GRID2: variants seen among roughly 807,000 people sequenced by gnomAD.
GRID2 encodes the protein glutamate ionotropic receptor delta type subunit 2.
GRID2 carries 33 observed loss-of-function variants against 114.8 expected under a neutral mutation model. That is an observed-to-expected ratio of 0.29 (90% CI 0.22 to 0.38). GRID2 has a LOEUF of 0.38. Ranked by LOEUF, GRID2 falls within the 10% of genes least tolerant of loss-of-function variation. The pLI is 1.00. For missense variants in GRID2, 1,184 were observed against 1,257.7 expected (o/e 0.94, Z 0.89); for synonymous variants, 505 against 449.9 (o/e 1.12, Z -1.55).
chr4:92,863,002 C>T (rs1744635564), intron 2 of GRID2, among the ~76,000 whole-genome samples: 1 of 152,034 alleles, frequency 6.6e-6, no homozygotes, highest in African/African-American at 2.4e-5. Context: ...CTTCTCTCGG[C>T]ACTTACCCAT....
At chr4:92,595,273 G>T (rs962467593) in intron 2 of GRID2, among the ~76,000 whole-genome samples, 1 of 151,668 alleles carries the variant, frequency 6.6e-6, no homozygotes, top group African/African-American at 2.4e-5. Context: ...AAAAACACAA[G>T]GTTTTTGAAA....
At position 92,395,103 on chromosome 4, in the gene GRID2, C is replaced by A. The variant is rs144385110; in HGVS notation, c.88+90359C>A. On this transcript the variant is annotated intron_variant, in intron 1 of 15. Transcript: ENST00000282020. ...ACAATGAACAACACATAAATATTTT[C>A]TTTAAAATATTTTGTGTAGAATATA... 2.9e-3 allele frequency among the ~76,000 whole-genome samples: 435 copies of A among 151,536 alleles called. 1 individual carries two copies. Among genetic ancestry groups the A allele is most frequent in the African/African-American group, 0.01 (422 of 41,514 alleles).
chr4:93,759,430 A>T (rs1733024863), intron 14 of GRID2, among the ~76,000 whole-genome samples: 1 of 152,214 alleles, frequency 6.6e-6, no homozygotes, highest in Non-Finnish European at 1.5e-5. Flanking sequence ...TTGAACATAA[A>T]TGTTGTTCTA....
At chr4:92,803,704 G>A (rs1398284249) in intron 2 of GRID2, among the ~76,000 whole-genome samples, 1 of 151,906 alleles carries the variant, frequency 6.6e-6, no homozygotes, top group African/African-American at 2.4e-5. Context: ...TTTTTAAGGG[G>A]GACCCCAGGC....
chr4:93,565,423 T>C (rs190812873), intron 13 of GRID2, among the ~76,000 whole-genome samples: 188 of 152,230 alleles, frequency 1.2e-3, no homozygotes, highest in Non-Finnish European at 1.3e-3. Flanking sequence ...TCTACAATTA[T>C]CTATAAAAGT....
chr4:92,598,322 GTTAATTTGGCCT>G (rs752275713), intron 2 of GRID2, among the ~76,000 whole-genome samples: 4 of 152,112 alleles, frequency 2.6e-5, no homozygotes, highest in Non-Finnish European at 4.4e-5. Flanking sequence ...GTCTTACATG[GTTAATTTGGCCT>G]TTACTCTGTA....
chr4:92,965,340 T>C (rs1753068913), intron 2 of GRID2, among the ~76,000 whole-genome samples: 1 of 150,734 alleles, frequency 6.6e-6, no homozygotes, highest in Admixed American at 6.6e-5. Flanking sequence ...TTGAAATATA[T>C]TGAGAATTAC....
chr4:93,801,840 T>G (rs1713643836), intron 1 of GRID2, among the ~76,000 whole-genome samples: 1 of 152,208 alleles, frequency 6.6e-6, no homozygotes, highest in South Asian at 2.1e-4. Context: ...CTAATCAATA[T>G]AAAAATGCAT....
At chr4:92,744,054 A>G (rs933831533) in intron 2 of GRID2, among the ~76,000 whole-genome samples, 1 of 152,010 alleles carries the variant, frequency 6.6e-6, no homozygotes, top group African/African-American at 2.4e-5. Flanking sequence ...TACTCAACCT[A>G]ATATCACATT....
intron 2 of GRID2, among the ~76,000 whole-genome samples, chr4:92,914,611 CT>C (rs913090269): frequency 2.6e-5 from 4 of 152,024 alleles, no homozygotes; most frequent in Admixed American, 2.6e-4. Context: ...TGTTGTTCCC[CT>C]GTATGTGTTT....
At chr4:93,437,468 G>GT (rs963301800) in intron 10 of GRID2, among the ~76,000 whole-genome samples, 14 of 151,330 alleles carry the variant, frequency 9.3e-5, no homozygotes, top group South Asian at 4.2e-4. Flanking sequence ...GTTCAGAGCT[G>GT]TTTTTTTTTA....
intron 2 of GRID2, among the ~76,000 whole-genome samples, chr4:92,895,650 C>G (rs557938669): frequency 5.3e-4 from 81 of 152,012 alleles, no homozygotes; most frequent in African/African-American, 1.9e-3. Flanking sequence ...TATAAAGACT[C>G]TCATATTGAG....
At chr4:93,524,200 C>G (rs780466678) in intron 13 of GRID2, among the ~76,000 whole-genome samples, 5 of 152,064 alleles carry the variant, frequency 3.3e-5, no homozygotes, top group Non-Finnish European at 7.4e-5. Flanking sequence ...AACTCAACAG[C>G]TTTGGTTCTA....
At chr4:93,797,847 A>AG (rs1734834793) in intron 1 of GRID2, among the ~76,000 whole-genome samples, 1 of 150,570 alleles carries the variant, frequency 6.6e-6, no homozygotes, top group South Asian at 2.1e-4. Context: ...AGGATGAAAA[A>AG]AAAAAAAAAA....
chr4:92,512,020 G>A (rs1560680410), intron 1 of GRID2, among the ~76,000 whole-genome samples: 1 of 150,106 alleles, frequency 6.7e-6, no homozygotes, highest in Non-Finnish European at 1.5e-5. Flanking sequence ...CCATGTCCAT[G>A]AATTTATCCA....
At chr4:93,484,770 GT>G (rs1726221100) in intron 11 of GRID2, among the ~76,000 whole-genome samples, 1 of 151,812 alleles carries the variant, frequency 6.6e-6, no homozygotes, top group Non-Finnish European at 1.5e-5. Context: ...ATCCAGTTAG[GT>G]CACAGTTCAC....
intron 4 of GRID2, among the ~76,000 whole-genome samples, chr4:93,118,265 T>C (rs962860155): frequency 6.6e-6 from 1 of 152,190 alleles, no homozygotes; most frequent in Non-Finnish European, 1.5e-5. Context: ...TTTCTCATGG[T>C]TGTTGGCTCA....
At chr4:92,884,858 C>A in intron 2 of GRID2, 1 of 400,744 alleles carries the variant, frequency 2.5e-6, no homozygotes. Flanking sequence ...TAAGTATGTC[C>A]ATACAGTGTC....
chr4:93,387,242 C>CTCTTA (rs1375245551), intron 8 of GRID2, among the ~76,000 whole-genome samples: 9 of 152,256 alleles, frequency 5.9e-5, no homozygotes, highest in South Asian at 2.1e-4. Flanking sequence ...TTAGGTATTA[C>CTCTTA]TCTTATTATT....
Sources: gnomAD v4.1 joint callset for allele counts (sites outside exome capture counted in the v4.1 genomes callset) on GRCh38, gnomAD v4.1.1 for gene constraint, MANE v1.5 for transcripts, NCBI Gene and HGNC (gene_info 2026-07-23, HGNC 2026-07-21) for gene names.